ATG4B: variants seen among roughly 807,000 people sequenced by gnomAD.
ATG4B encodes autophagy related 4B cysteine peptidase, also known as cysteine protease ATG4B.
In ATG4B, 29 loss-of-function variants were observed where a neutral mutation model predicts 56.6. The ratio of observed to expected loss-of-function variants is 0.51; its 90% confidence interval spans 0.38 to 0.70. ATG4B has a LOEUF of 0.70. Among genes scored for constraint, ATG4B ranks in the 30% least tolerant of loss-of-function variants. ATG4B has a pLI of 0.00. For missense variants in ATG4B, 461 were observed against 515.5 expected, an observed-to-expected ratio of 0.89 and a Z score of 1.02; for synonymous variants, 224 against 206.1, an observed-to-expected ratio of 1.09 and a Z score of -0.74.
intron 6 of ATG4B, among the ~76,000 whole-genome samples, chr2:241,656,744 A>C (rs958827440): frequency 6.6e-6 from 1 of 151,918 alleles, no homozygotes; most frequent in African/African-American, 2.4e-5. Context: ...TGACAGCCAG[A>C]GCCCGTGCTG....
intron 12 of ATG4B, chr2:241,671,987 A>C (rs1575096519): frequency 7.1e-7 from 1 of 1,405,626 alleles, no homozygotes; most frequent in Admixed American, 3.0e-5. Context: ...TGCCCTCCTC[A>C]CCCTGCCCTG....
intron 11 of ATG4B, among the ~76,000 whole-genome samples, 174 bp downstream of exon 11, chr2:241,670,956 G>C (rs2068948983): frequency 6.6e-6 from 1 of 152,198 alleles, no homozygotes; most frequent in African/African-American, 2.4e-5. Flanking sequence ...GTCCTGGATT[G>C]CCCATCTGGC....
chr2:241,651,248 T>C lies in ATG4B; in HGVS notation c.113-16T>C. ...CGTTGTGTGTGTGTGTTTTTTTTCT[T>C]TTAAACAACCTCTAGAAAAGGACGA... On this transcript the variant is annotated splice_polypyrimidine_tract_variant and intron_variant, in intron 2 of 12. Transcript: ENST00000404914. The surrounding 1 kb of genome is among the most constrained non-coding windows in gnomAD (Gnocchi z 4.1). The C allele has an allele frequency of 6.3e-7, 1 of 1,589,190 alleles. No individual in the cohort carries two copies. The highest frequency in any genetic ancestry group is 1.1e-5 in the South Asian group (1 of 87,020).
intron 1 of ATG4B, 54 bp downstream of exon 1, chr2:241,637,778 G>C: frequency 6.5e-7 from 1 of 1,538,544 alleles, no homozygotes; most frequent in Admixed American, 2.1e-5. Flanking sequence ...CCTTATCATT[G>C]GCCTCCCCTG....
chr2:241,669,841 T>C (rs1347868602), intron 10 of ATG4B, among the ~76,000 whole-genome samples: 1 of 152,212 alleles, frequency 6.6e-6, no homozygotes, highest in East Asian at 1.9e-4. Context: ...TAGTCACGAA[T>C]TCCTCGTCGA....
intron 8 of ATG4B, 194 bp from the exon 9 acceptor site, chr2:241,667,949 A>G: frequency 1.8e-6 from 1 of 569,062 alleles, no homozygotes; most frequent in Non-Finnish European, 3.1e-6. Flanking sequence ...GAGCCTGCAG[A>G]TTGGGTTTCT....
intron 5 of ATG4B, 96 bp from the exon 6 acceptor site, chr2:241,655,175 C>G: frequency 7.7e-7 from 1 of 1,307,066 alleles, no homozygotes; most frequent in Non-Finnish European, 1.1e-6. Flanking sequence ...GGGTGCTGTC[C>G]AGGCCTTCCT....
At chr2:241,664,580 G>A (rs1033934983) in intron 7 of ATG4B, among the ~76,000 whole-genome samples, 8 of 152,216 alleles carry the variant, frequency 5.3e-5, no homozygotes, top group Admixed American at 2.0e-4. Flanking sequence ...AAGGCTGGGC[G>A]TGGTAGCTCC....
At chr2:241,657,997 C>T (rs1350916855) in intron 6 of ATG4B, among the ~76,000 whole-genome samples, 2 of 152,114 alleles carry the variant, frequency 1.3e-5, no homozygotes, top group African/African-American at 4.8e-5. Context: ...GGGTTGCGCC[C>T]CATGTCTGCC....
At chr2:241,637,832 G>A (rs901154151) in intron 1 of ATG4B, 108 bp downstream of exon 1, 3 of 1,299,060 alleles carry the variant, frequency 2.3e-6, no homozygotes, top group Admixed American at 3.8e-5. Flanking sequence ...ACGCCGGTGC[G>A]GGCCAGGCTG....
intron 3 of ATG4B, among the ~76,000 whole-genome samples, chr2:241,652,670 C>T (rs183230314): frequency 7.9e-5 from 12 of 152,278 alleles, no homozygotes; most frequent in Admixed American, 2.6e-4. Flanking sequence ...CTCTGAGATA[C>T]GTTTTTATCA....
Position 241,671,554 on chromosome 2 carries a change from A to T in ATG4B, c.1108+149A>T, listed in dbSNP as rs2068971675. 7 of 1,535,340 alleles carry T rather than the reference A, an allele frequency of 4.6e-6. No homozygotes were observed. The South Asian group carries it at 8.4e-5, about 18-fold the overall frequency. On this transcript the variant is annotated intron_variant, in intron 12 of 12. Coordinates refer to ENST00000404914, the MANE Select transcript of ATG4B (RefSeq NM_013325.5). ...CAGTGGTTCGCCTGTGAGACCAGGTATGGAGTGGAGCGTCCCCTCCTCCAA... is the reference window on the plus strand; with the variant it reads ...CAGTGGTTCGCCTGTGAGACCAGGTTTGGAGTGGAGCGTCCCCTCCTCCAA...
At chr2:241,665,997 G>A (rs757310579) in intron 7 of ATG4B, among the ~76,000 whole-genome samples, 9 of 152,314 alleles carry the variant, frequency 5.9e-5, no homozygotes, top group Middle Eastern at 6.8e-3. Context: ...GTCTTTTGCC[G>A]TGTTCTGGCG....
chr2:241,668,068 G>T lies in ATG4B; in HGVS notation c.733-75G>T, dbSNP rs7565540. 0.39 allele frequency: 568,492 copies of T among 1,460,952 alleles called. 113,442 individuals carry two copies. Among genetic ancestry groups the T allele is most frequent in the Middle Eastern group, 0.5 (2,514 of 4,996 alleles). The allele number at this position is 1,460,952 out of a possible 1,614,324, so 90.5% of individuals were successfully genotyped here. On this transcript the variant is annotated intron_variant, in intron 8 of 12. Coordinates refer to ENST00000404914, the MANE Select transcript of ATG4B (RefSeq NM_013325.5). This position sits in a 1 kb window ranked among gnomAD's most constrained non-coding sequence, Gnocchi z 4.2. ...CAGTTGGGCCTCAGCAGGCCCTTGG[G>T]CCCCCTATGGCAGTGGGTGGGGGGA...
At chr2:241,670,841 G>T in intron 11 of ATG4B, 59 bp downstream of exon 11, 3 of 1,525,738 alleles carry the variant, frequency 2.0e-6, no homozygotes, top group Non-Finnish European at 2.7e-6. Flanking sequence ...CAGGCAGTGG[G>T]GCGTGCAGGG....
At chr2:241,660,319 C>T (rs2068552388) in intron 7 of ATG4B, among the ~76,000 whole-genome samples, 1 of 152,224 alleles carries the variant, frequency 6.6e-6, no homozygotes, top group Admixed American at 6.5e-5. Flanking sequence ...GGGTCACAGA[C>T]ACGCCCCTTC....
chr2:241,670,510 G>T, intron 10 of ATG4B: 1 of 606,358 alleles, frequency 1.6e-6, no homozygotes. Flanking sequence ...GCAACGCAGT[G>T]GAGCCTGAGG....
chr2:241,662,841 T>A (rs1490396094), intron 7 of ATG4B, among the ~76,000 whole-genome samples: 1 of 147,626 alleles, frequency 6.8e-6, no homozygotes, highest in Non-Finnish European at 1.5e-5. Context: ...TCAAAACCAA[T>A]AAAGTGGGCC....
At chr2:241,656,191 C>T (rs545815035) in intron 6 of ATG4B, among the ~76,000 whole-genome samples, 1 of 152,312 alleles carries the variant, frequency 6.6e-6, no homozygotes, top group East Asian at 1.9e-4. Flanking sequence ...CCCTGTCTCC[C>T]CTCACCCACA....
Sources: allele counts gnomAD v4.1 joint callset (sites outside exome capture counted in the v4.1 genomes callset), GRCh38; gene constraint gnomAD v4.1.1; non-coding constraint Gnocchi (gnomAD v3.1); transcripts MANE v1.5; gene names NCBI Gene and HGNC (gene_info 2026-07-23, HGNC 2026-07-21).